The following UTS2B variants were observed in gnomAD, a reference collection of about 807,000 sequenced individuals.
UTS2B encodes the protein urotensin-2B.
UTS2B carries 21 observed loss-of-function variants against 19.2 expected under a neutral mutation model. The ratio of observed to expected loss-of-function variants is 1.09; its 90% CI spans 0.78 to 1.58. The LOEUF is 1.58. Ranked by LOEUF, UTS2B falls within the 40% of genes most tolerant of loss-of-function variation. The pLI is 0.00. For missense variants in UTS2B, 138 were observed against 130.3 expected, an observed-to-expected ratio of 1.06 and a Z score of -0.29; for synonymous variants, 57 against 50.2, an observed-to-expected ratio of 1.14 and a Z score of -0.58.
chr3:191,305,208 G>A (rs1717105358), intron 3 of UTS2B, among the ~76,000 whole-genome samples: 1 of 152,064 alleles, frequency 6.6e-6, no homozygotes. Context: ...TGGGTCAAAT[G>A]GTATTTTGTC....
intron 4 of UTS2B, among the ~76,000 whole-genome samples, chr3:191,289,514 C>T (rs1013400599): frequency 3.3e-5 from 5 of 151,690 alleles, no homozygotes; most frequent in East Asian, 3.9e-4. Flanking sequence ...TCCCAATGGC[C>T]GTGATATTGA....
chr3:191,268,955 C>A (rs1431642371), intron 8 of UTS2B, among the ~76,000 whole-genome samples: 2 of 152,158 alleles, frequency 1.3e-5, no homozygotes, highest in East Asian at 3.8e-4. Context: ...ATTTAAATAA[C>A]TTCATTTGTC....
chr3:191,300,106 G>A (rs903133375), intron 4 of UTS2B, among the ~76,000 whole-genome samples: 4 of 151,652 alleles, frequency 2.6e-5, no homozygotes, highest in East Asian at 1.9e-4. Context: ...GCTGGAGTGC[G>A]GTGGTGCAAT....
chr3:191,308,805 G>A (rs969874004), intron 3 of UTS2B, among the ~76,000 whole-genome samples: 2 of 152,114 alleles, frequency 1.3e-5, no homozygotes, highest in African/African-American at 4.8e-5. Context: ...TGCTCTATAT[G>A]TATCTTACTA....
intron 3 of UTS2B, among the ~76,000 whole-genome samples, chr3:191,307,237 C>T (rs760062485): frequency 1.3e-5 from 2 of 152,126 alleles, no homozygotes; most frequent in Non-Finnish European, 2.9e-5. Flanking sequence ...ACTGAATGTA[C>T]CTTGAATCCT....
chr3:191,300,348 T>C (rs1275885369), intron 4 of UTS2B, among the ~76,000 whole-genome samples: 1 of 152,216 alleles, frequency 6.6e-6, no homozygotes, highest in Non-Finnish European at 1.5e-5. Context: ...GTGCCTGGCC[T>C]GTAGCCCCTT....
At chr3:191,297,649 G>A (rs1483462997) in intron 4 of UTS2B, among the ~76,000 whole-genome samples, 1 of 152,062 alleles carries the variant, frequency 6.6e-6, no homozygotes, top group Non-Finnish European at 1.5e-5. Flanking sequence ...TGAGGACAAG[G>A]ATAGTAATGC....
At chr3:191,341,691 G>A in the UTS2B span, among the ~76,000 whole-genome samples, 1 of 152,068 alleles carries the variant, frequency 6.6e-6, no homozygotes, top group Admixed American at 6.6e-5. Context: ...TGTAACTGAA[G>A]TACCAATAAG....
intron 3 of UTS2B, among the ~76,000 whole-genome samples, chr3:191,306,603 T>C (rs1231155042): frequency 6.6e-6 from 1 of 152,162 alleles, no homozygotes; most frequent in East Asian, 1.9e-4. Flanking sequence ...GTTTACTATA[T>C]TAAGGAGAGG....
At chr3:191,312,108 C>T (rs563252797) in intron 3 of UTS2B, among the ~76,000 whole-genome samples, 70 of 150,984 alleles carry the variant, frequency 4.6e-4, no homozygotes, top group African/African-American at 1.5e-3. Flanking sequence ...GCCGAGGTTG[C>T]GCCACTGCAC....
At chr3:191,323,418 C>G (rs975883939) in intron 2 of UTS2B, among the ~76,000 whole-genome samples, 1 of 152,162 alleles carries the variant, frequency 6.6e-6, no homozygotes, top group East Asian at 1.9e-4. Flanking sequence ...GTTCGCCCAC[C>G]TGGACCTCCC....
At chr3:191,329,763 C>T (rs1240368493) in intron 1 of UTS2B, 2 of 1,592,396 alleles carry the variant, frequency 1.3e-6, no homozygotes, top group African/African-American at 2.7e-5. Flanking sequence ...ACCCTCCCCT[C>T]TCCCAGCCCG....
chr3:191,270,422 G>A lies in UTS2B; in HGVS notation c.335-1981C>T, dbSNP rs551960871. 5.9e-5 allele frequency among the ~76,000 whole-genome samples: 9 copies of A among 152,294 alleles called. No individual in the cohort carries two copies. In the East Asian group the frequency reaches 1.4e-3, roughly 23 times the overall value. ...TATATTGGCCAGGCTGGTCTCAGAC[G>A]ATTGGGCACAAGTGATTCTCCTGCC... On this transcript the variant is annotated intron_variant, in intron 8 of 8. Transcript: ENST00000340524.
intron 3 of UTS2B, among the ~76,000 whole-genome samples, chr3:191,312,095 C>T (rs907767): frequency 4.7e-5 from 7 of 150,150 alleles, no homozygotes; most frequent in African/African-American, 7.4e-5. Context: ...GAGGTTGCAG[C>T]GAGCCGAGGT....
intron 4 of UTS2B, among the ~76,000 whole-genome samples, chr3:191,292,061 G>C (rs1188012438): frequency 6.6e-6 from 1 of 150,884 alleles, no homozygotes; most frequent in African/African-American, 2.4e-5. Flanking sequence ...AAGCTGTTTT[G>C]ATTTCTCTGT....
At chr3:191,301,481 T>C (rs2108594354) in intron 4 of UTS2B, among the ~76,000 whole-genome samples, 1 of 128,736 alleles carries the variant, frequency 7.8e-6, no homozygotes, top group Admixed American at 9.0e-5. Flanking sequence ...AAATTTTTGG[T>C]AATTTTTTTT....
chr3:191,303,451 C>T (rs954384833), intron 4 of UTS2B, among the ~76,000 whole-genome samples: 4 of 151,926 alleles, frequency 2.6e-5, no homozygotes, highest in African/African-American at 4.8e-5. Flanking sequence ...TCCCACATGT[C>T]CTTTGAACAC....
At chr3:191,293,838 C>A (rs1716780858) in intron 4 of UTS2B, among the ~76,000 whole-genome samples, 2 of 152,002 alleles carry the variant, frequency 1.3e-5, no homozygotes, top group Non-Finnish European at 2.9e-5. Flanking sequence ...TGGCTCACGC[C>A]TGTAATCCCA....
chr3:191,313,139 C>T (rs1430737445), intron 3 of UTS2B, among the ~76,000 whole-genome samples: 13 of 151,944 alleles, frequency 8.6e-5, no homozygotes, highest in Admixed American at 4.6e-4. Context: ...GGATTACAGG[C>T]ACCTGTCACC....
Sources: gnomAD v4.1 joint callset for allele counts (sites outside exome capture counted in the v4.1 genomes callset) on GRCh38, gnomAD v4.1.1 for gene constraint, MANE v1.5 for transcripts, NCBI Gene and HGNC (gene_info 2026-07-23, HGNC 2026-07-21) for gene names.